Variants in CTIF observed in about 807,000 individuals in gnomAD.
CTIF encodes the protein cap binding complex dependent translation initiation factor.
In CTIF, 21 loss-of-function variants were observed where a neutral mutation model predicts 66.0. That is an observed-to-expected ratio of 0.32 (90% CI 0.23 to 0.46). The LOEUF is 0.46. Among genes scored for constraint, CTIF ranks in the 20% least tolerant of loss-of-function variants. The probability of loss-of-function intolerance (pLI) is 1.00; values close to 1 mark genes in which losing one functional copy is unlikely to be tolerated. For synonymous variants in CTIF, 345 were observed against 326.4 expected (o/e 1.06, Z -0.62); for missense variants, 739 against 812.7 (o/e 0.91, Z 1.10).
intron 6 of CTIF, among the ~76,000 whole-genome samples, chr18:48,684,081 T>G (rs550124449): frequency 6.6e-6 from 1 of 152,336 alleles, no homozygotes; most frequent in African/African-American, 2.4e-5. Context: ...ATGACCTCAG[T>G]AGCCACTTGC....
chr18:48,561,660 G>C (rs2089167488), intron 1 of CTIF, among the ~76,000 whole-genome samples: 1 of 152,154 alleles, frequency 6.6e-6, no homozygotes, highest in African/African-American at 2.4e-5. Flanking sequence ...CTTTTTCTCA[G>C]GGTGTCCTTG....
Position 48,604,200 on chromosome 18 carries a change from G to A in CTIF, c.-28-15338G>A, listed in dbSNP as rs181139636. On this transcript the variant is annotated intron_variant, in intron 1 of 11. Transcript: ENST00000256413. Reference sequence around the variant, plus strand: ...TTTTTTTTTTTTTTTTTTTTGAGACGGGTCTCGCTCTGTTCCCCAGGGCTG... The same window carrying A: ...TTTTTTTTTTTTTTTTTTTTGAGACAGGTCTCGCTCTGTTCCCCAGGGCTG... Among the ~76,000 whole-genome samples, 758 of 82,694 alleles carry A rather than the reference G, an allele frequency of 9.2e-3. 13 individuals carry two copies. The highest frequency in any genetic ancestry group is 0.03 in the African/African-American group (695 of 23,180). The allele number at this position is 82,694 out of a possible 152,430, so 54.3% of individuals were successfully genotyped here. A position where few individuals can be genotyped will look rare whatever the true frequency, so the allele number is the denominator to read the frequency against.
chr18:48,594,184 C>T (rs930099370), intron 1 of CTIF, among the ~76,000 whole-genome samples: 7 of 152,086 alleles, frequency 4.6e-5, no homozygotes, highest in Non-Finnish European at 8.8e-5. Context: ...GGATGCCTTG[C>T]TCACCGGCTG....
At chr18:48,649,319 G>A (rs1303750390) in intron 3 of CTIF, among the ~76,000 whole-genome samples, 7 of 152,290 alleles carry the variant, frequency 4.6e-5, no homozygotes, top group Admixed American at 3.3e-4. Context: ...CTGGCTCAGC[G>A]GGTCCCATGC....
chr18:48,590,470 C>T (rs779373245), intron 1 of CTIF, among the ~76,000 whole-genome samples: 25 of 152,210 alleles, frequency 1.6e-4, no homozygotes, highest in African/African-American at 5.8e-4. Flanking sequence ...GACAGGGCCT[C>T]GGAGTGACAT....
chr18:48,730,606 CTGTGTGAGG>C lies in CTIF; in HGVS notation c.584+18912_584+18920del, dbSNP rs2092442942. Among the ~76,000 whole-genome samples, 10 of 68,484 alleles carry C rather than the reference CTGTGTGAGG, an allele frequency of 1.5e-4. 1 individual carries two copies. The highest frequency in any genetic ancestry group is 2.4e-4 in the Non-Finnish European group (8 of 33,376). The allele number at this position is 68,484 out of a possible 152,430, so 44.9% of individuals were successfully genotyped here. A position where few individuals can be genotyped will look rare whatever the true frequency, so the allele number is the denominator to read the frequency against. On this transcript the variant is annotated intron_variant, in intron 7 of 11. Coordinates refer to ENST00000256413, the MANE Select transcript of CTIF (RefSeq NM_014772.3). ...GCCCCTGTGGTGTGAGGGGCTTCTG[CTGTGTGAGG>C]GGCTCCTGCGGTGTGAGGGGCCCCT...
intron 5 of CTIF, among the ~76,000 whole-genome samples, chr18:48,666,397 T>C (rs1210312287): frequency 1.3e-5 from 2 of 152,124 alleles, no homozygotes; most frequent in Non-Finnish European, 2.9e-5. Flanking sequence ...ATGAGGAAAA[T>C]AACACTCAGA....
chr18:48,717,023 C>T (rs2092288392), intron 7 of CTIF, among the ~76,000 whole-genome samples: 1 of 151,930 alleles, frequency 6.6e-6, no homozygotes, highest in African/African-American at 2.4e-5. Context: ...GCAGGGTGGC[C>T]ACAGCCTACA....
In CTIF at chr18:48,736,554, G is replaced by A. The variant is rs7231361; in HGVS notation, c.585-21365G>A. Among the ~76,000 whole-genome samples, 144 of 152,284 alleles carry A rather than the reference G, an allele frequency of 9.5e-4. No homozygotes were observed. The East Asian group carries it at 0.012, about 13-fold the overall frequency. On this transcript the variant is annotated intron_variant, in intron 7 of 11. Transcript: ENST00000256413. The stretch of plus-strand genomic sequence containing the variant: ...TGTTCCTCCGATGATTTTCCTTCTG[G>A]GCATATATATTTCCTGGCCTCTTGC...
intron 7 of CTIF, among the ~76,000 whole-genome samples, chr18:48,741,866 G>A (rs2092557994): frequency 6.6e-6 from 1 of 152,144 alleles, no homozygotes; most frequent in Non-Finnish European, 1.5e-5. Flanking sequence ...AGGGAGCACA[G>A]GGCGCCTCCC....
chr18:48,750,195 A>T (rs1248272247), intron 7 of CTIF, among the ~76,000 whole-genome samples: 1 of 152,204 alleles, frequency 6.6e-6, no homozygotes, highest in Non-Finnish European at 1.5e-5. Flanking sequence ...AGGCCACCCT[A>T]AGAACCTGAG....
At chr18:48,588,127 C>T (rs567672126) in intron 1 of CTIF, among the ~76,000 whole-genome samples, 13 of 152,290 alleles carry the variant, frequency 8.5e-5, no homozygotes, top group African/African-American at 1.4e-4. Context: ...TGTGGGGAGC[C>T]GGGAATTACT....
chr18:48,681,323 T>C (rs951317533), intron 6 of CTIF, among the ~76,000 whole-genome samples: 2 of 152,174 alleles, frequency 1.3e-5, no homozygotes, highest in Admixed American at 1.3e-4. Context: ...GCCAGGGATC[T>C]GGAGGCAGCC....
intron 10 of CTIF, among the ~76,000 whole-genome samples, chr18:48,857,386 C>T (rs574972460): frequency 2.0e-5 from 3 of 152,336 alleles, no homozygotes; most frequent in South Asian, 4.1e-4. Flanking sequence ...CTAACCCTGT[C>T]GGAGAAATCA....
chr18:48,567,112 G>A (rs1416666765), intron 1 of CTIF: 1 of 152,146 alleles, frequency 6.6e-6, no homozygotes, highest in Non-Finnish European at 1.5e-5. Context: ...AATAAATCTT[G>A]CCCTCATAGT....
chr18:48,794,065 G>A (rs1327594044), intron 9 of CTIF, among the ~76,000 whole-genome samples: 5 of 152,152 alleles, frequency 3.3e-5, no homozygotes, highest in African/African-American at 1.2e-4. Flanking sequence ...ACCACCTTGG[G>A]ATCCTTTGGG....
intron 1 of CTIF, among the ~76,000 whole-genome samples, chr18:48,601,852 C>T (rs1288676685): frequency 2.0e-5 from 3 of 152,216 alleles, no homozygotes; most frequent in Non-Finnish European, 4.4e-5. Flanking sequence ...GACATTGGCA[C>T]AAATCTCAGG....
intron 1 of CTIF, among the ~76,000 whole-genome samples, chr18:48,557,023 C>A (rs2089038015): frequency 6.6e-6 from 1 of 152,086 alleles, no homozygotes; most frequent in African/African-American, 2.4e-5. Flanking sequence ...GGAGCTGAGT[C>A]TCTGGAAAGG....
intron 9 of CTIF, among the ~76,000 whole-genome samples, chr18:48,803,691 A>G (rs535698317): frequency 1.2e-4 from 19 of 152,300 alleles, no homozygotes; most frequent in Middle Eastern, 3.4e-3. Context: ...CCACAGCCAC[A>G]GTGATTGGGC....
Sources: gnomAD v4.1 joint callset for allele counts (sites outside exome capture counted in the v4.1 genomes callset) on GRCh38, gnomAD v4.1.1 for gene constraint, MANE v1.5 for transcripts, NCBI Gene and HGNC (gene_info 2026-07-23, HGNC 2026-07-21) for gene names.